Variants in POLN observed in about 807,000 individuals in gnomAD.
POLN encodes the protein DNA polymerase N.
Under a neutral mutation model 113.5 loss-of-function variants are expected in POLN, and 108 were observed. That is an observed-to-expected ratio of 0.95 (90% CI 0.81 to 1.12). POLN has a LOEUF of 1.12. Among genes scored for constraint, POLN ranks in the 50% most tolerant of loss-of-function variants. POLN has a pLI of 0.00. For synonymous variants in POLN, 386 were observed against 391.5 expected (o/e 0.99, Z 0.17); for missense variants, 1,097 against 1,077.1 (o/e 1.02, Z -0.26).
At chr4:2,135,377 T>C (rs35574323) in intron 16 of POLN, among the ~76,000 whole-genome samples, 4 of 152,304 alleles carry the variant, frequency 2.6e-5, no homozygotes, top group African/African-American at 4.8e-5. Context: ...AAGCTTTTCA[T>C]GGCCAATGCT....
Position 2,095,837 on chromosome 4 carries a change from G to C in POLN, c.2065+14C>G. The C allele has an allele frequency of 1.2e-6, 2 of 1,613,356 alleles. No homozygotes were observed. The highest frequency in any genetic ancestry group is 1.7e-6 in the Non-Finnish European group (2 of 1,179,712). The stretch of plus-strand genomic sequence containing the variant: ...AGGTAACCCCGAGACCCCAGCTCCC[G>C]GCCCGCAGCCTACCTGCTCCATAGA... On this transcript the variant is annotated intron_variant, in intron 20 of 25. Transcript: ENST00000511885.
chr4:2,090,830 A>G (rs191384295), intron 20 of POLN, among the ~76,000 whole-genome samples: 6 of 152,304 alleles, frequency 3.9e-5, no homozygotes, highest in Non-Finnish European at 8.8e-5. Flanking sequence ...TGTCCCATTC[A>G]TGCATAGTTA....
chr4:2,100,403 A>G (rs2108704064), intron 19 of POLN, among the ~76,000 whole-genome samples: 1 of 152,374 alleles, frequency 6.6e-6, no homozygotes, highest in Admixed American at 6.5e-5. Flanking sequence ...CAATAGCAAT[A>G]GAAACCTCAA....
chr4:2,163,639 C>T (rs1223175940), intron 13 of POLN, among the ~76,000 whole-genome samples: 4 of 152,362 alleles, frequency 2.6e-5, no homozygotes, highest in South Asian at 4.1e-4. Flanking sequence ...ATGCTGGCTG[C>T]GTATCGCAAT....
At chr4:2,129,043 G>A (rs868296557) in intron 18 of POLN, 136 bp downstream of exon 18, 3 of 559,440 alleles carry the variant, frequency 5.4e-6, no homozygotes, top group Non-Finnish European at 8.7e-6. Flanking sequence ...CCACAAAAGC[G>A]AGACTCTTGT....
intron 19 of POLN, among the ~76,000 whole-genome samples, chr4:2,103,860 T>C (rs1198520963): frequency 6.6e-6 from 1 of 152,174 alleles, no homozygotes; most frequent in African/African-American, 2.4e-5. Context: ...AATAATTCTA[T>C]ATCCAGTAAT....
chr4:2,078,473 C>CTTT (rs943435658), intron 23 of POLN: 36 of 530,556 alleles, frequency 6.8e-5, no homozygotes, highest in Non-Finnish European at 7.6e-5. Context: ...TCTTCTTCTT[C>CTTT]TTTTTTTTTT....
At chr4:2,149,023 T>G (rs2108735920) in intron 16 of POLN, among the ~76,000 whole-genome samples, 1 of 152,292 alleles carries the variant, frequency 6.6e-6, no homozygotes, top group South Asian at 2.1e-4. Context: ...GGTTACAGGC[T>G]GGATGTGGGT....
chr4:2,192,695 C>T (rs1408032515), intron 7 of POLN, among the ~76,000 whole-genome samples: 1 of 151,930 alleles, frequency 6.6e-6, no homozygotes, highest in East Asian at 1.9e-4. Flanking sequence ...AGGCCCGGTG[C>T]AGTGGCTCAC....
At chr4:2,077,375 G>A (rs2108687384) in intron 23 of POLN, among the ~76,000 whole-genome samples, 1 of 152,360 alleles carries the variant, frequency 6.6e-6, no homozygotes. Context: ...CCTCCTGGGT[G>A]TACATCCACA....
chr4:2,116,697 T>A (rs1731326055), intron 19 of POLN, among the ~76,000 whole-genome samples: 1 of 152,230 alleles, frequency 6.6e-6, no homozygotes, highest in African/African-American at 2.4e-5. Context: ...TGTGGCAGTG[T>A]GACCCAGGAC....
At chr4:2,115,048 A>G (rs1731282961) in intron 19 of POLN, among the ~76,000 whole-genome samples, 1 of 149,132 alleles carries the variant, frequency 6.7e-6, no homozygotes, top group Admixed American at 6.7e-5. Flanking sequence ...TGGGTTCTTT[A>G]GTTTTTGTTT....
chr4:2,081,083 A>T (rs1423449467), intron 22 of POLN, 47 bp from the exon 23 acceptor site: 1 of 1,612,376 alleles, frequency 6.2e-7, no homozygotes, highest in African/African-American at 1.3e-5. Context: ...CACACGGTTC[A>T]TGGTGCACTC....
intron 7 of POLN, among the ~76,000 whole-genome samples, chr4:2,181,185 C>T (rs1733131293): frequency 6.6e-6 from 1 of 152,064 alleles, no homozygotes; most frequent in South Asian, 2.1e-4. Flanking sequence ...TGCTCTGTTG[C>T]CCAAGCTGGA....
At chr4:2,226,181 A>G (rs1324439779) in intron 3 of POLN, among the ~76,000 whole-genome samples, 2 of 152,112 alleles carry the variant, frequency 1.3e-5, no homozygotes, top group African/African-American at 2.4e-5. Flanking sequence ...ATGGGAAGCA[A>G]AGAGGCCAGA....
chr4:2,118,749 C>G (rs1731375333), intron 19 of POLN, among the ~76,000 whole-genome samples: 1 of 152,228 alleles, frequency 6.6e-6, no homozygotes, highest in African/African-American at 2.4e-5. Context: ...GGTTATGCTA[C>G]CATGAGAAGT....
intron 20 of POLN, chr4:2,090,274 G>C (rs1022056158): frequency 7.6e-6 from 6 of 793,836 alleles, no homozygotes; most frequent in African/African-American, 1.7e-5. Flanking sequence ...TCTGACAAAG[G>C]CTTCTGCACA....
intron 7 of POLN, among the ~76,000 whole-genome samples, chr4:2,183,589 T>C (rs974388350): frequency 6.6e-6 from 1 of 152,208 alleles, no homozygotes; most frequent in Non-Finnish European, 1.5e-5. Context: ...TGCAATTCTA[T>C]TCATGTTAAA....
intron 4 of POLN, 51 bp downstream of exon 4, chr4:2,212,996 T>C (rs536814096): frequency 2.8e-5 from 36 of 1,307,990 alleles, no homozygotes; most frequent in Admixed American, 3.7e-5. Context: ...TAAGCATCTA[T>C]TGAACAAATA....
Sources: allele counts gnomAD v4.1 joint callset (sites outside exome capture counted in the v4.1 genomes callset), GRCh38; gene constraint gnomAD v4.1.1; transcripts MANE v1.5; gene names NCBI Gene and HGNC (gene_info 2026-07-23, HGNC 2026-07-21).